Variants in BCCIP observed in about 807,000 individuals in gnomAD.
BCCIP encodes the protein BRCA2 and CDKN1A-interacting protein.
In BCCIP, 23 loss-of-function variants were observed where a neutral mutation model predicts 32.8. The ratio of observed to expected loss-of-function variants is 0.70; its 90% CI spans 0.51 to 0.99. The LOEUF (loss-of-function observed/expected upper bound fraction) is 0.99, where lower values mean the gene tolerates loss of function less well. Among genes scored for constraint, BCCIP ranks in the 50% least tolerant of loss-of-function variants. The pLI is 0.00. For synonymous variants in BCCIP, 144 were observed against 137.6 expected (o/e 1.05, Z -0.33); for missense variants, 378 against 379.8 (o/e 1.00, Z 0.04).
At chr10:125,823,823 G>A in intron 1 of BCCIP, 101 bp downstream of exon 1, 5 of 1,490,244 alleles carry the variant, frequency 3.4e-6, no homozygotes, top group Non-Finnish European at 3.6e-6. Context: ...TGACCCTGAG[G>A]GTCTGTGAGG....
At chr10:125,829,703 A>G (rs1288488289) in intron 3 of BCCIP, among the ~76,000 whole-genome samples, 2 of 152,250 alleles carry the variant, frequency 1.3e-5, no homozygotes, top group East Asian at 3.8e-4. Flanking sequence ...GCAATGGGAA[A>G]AAGCAGACCA....
chr10:125,850,492 G>C (rs1215556382), intron 7 of BCCIP, among the ~76,000 whole-genome samples: 2 of 151,808 alleles, frequency 1.3e-5, no homozygotes, highest in Non-Finnish European at 2.9e-5. Flanking sequence ...CAAGTAGCTG[G>C]GATTACAGGC....
downstream of BCCIP, among the ~76,000 whole-genome samples, chr10:125,847,596 A>G (rs773367615): frequency 1.1e-4 from 16 of 152,180 alleles, no homozygotes; most frequent in African/African-American, 4.8e-5. Context: ...TTTTCCACAG[A>G]CCAGAGGGTG....
intron 7 of BCCIP, chr10:125,852,691 G>C (rs1325620608): frequency 4.0e-6 from 6 of 1,511,512 alleles, no homozygotes; most frequent in Non-Finnish European, 5.4e-6. Flanking sequence ...TCATGATTCA[G>C]TAGGCTCACT....
chr10:125,841,363 A>C (rs1854875103), downstream of BCCIP: 1 of 1,613,996 alleles, frequency 6.2e-7, no homozygotes, highest in Admixed American at 1.7e-5. Context: ...AGAATAAATT[A>C]AAACATACAA....
chr10:125,827,689 T>C (rs1342033345), intron 3 of BCCIP, 51 bp downstream of exon 3: 7 of 1,375,094 alleles, frequency 5.1e-6, no homozygotes. Flanking sequence ...TTTATTCTGT[T>C]CATGCTGGGC....
At chr10:125,838,360 T>TA (rs780859133), downstream of BCCIP, 1 of 1,599,196 alleles carries the variant, frequency 6.3e-7, no homozygotes, top group East Asian at 2.2e-5. Flanking sequence ...ATTAAGTAGT[T>TA]ACCTGATCCA....
chr10:125,840,933 G>A (rs1456085165), downstream of BCCIP: 11 of 1,612,484 alleles, frequency 6.8e-6, no homozygotes, highest in Non-Finnish European at 8.5e-6. Flanking sequence ...ATGTAAAAAT[G>A]TCTTCCAACA....
chr10:125,836,390 G>T lies in BCCIP; in HGVS notation c.*116G>T. On this transcript the variant is annotated 3_prime_UTR_variant, in exon 7 of 7. Transcript: ENST00000278100. Reference sequence around the variant, plus strand: ...ATTAAGTTCCTCTACAAAAAGTAGGGTTCTGTCCCATGTGTCTCTGACACA... The same window carrying T: ...ATTAAGTTCCTCTACAAAAAGTAGGTTTCTGTCCCATGTGTCTCTGACACA... 6.5e-7 allele frequency: 1 copy of T among 1,538,998 alleles called. No homozygotes were observed. Among genetic ancestry groups the T allele is most frequent in the Middle Eastern group, 2.2e-4 (1 of 4,504 alleles).
chr10:125,845,917 ACACACG>A (rs1449784534), downstream of BCCIP, among the ~76,000 whole-genome samples: 5 of 152,184 alleles, frequency 3.3e-5, no homozygotes, highest in Non-Finnish European at 7.3e-5. Flanking sequence ...ATGGAAGGAA[ACACACG>A]CAGACCTTTG....
intron 5 of BCCIP, among the ~76,000 whole-genome samples, chr10:125,831,891 T>C (rs184656248): frequency 1.3e-4 from 20 of 152,328 alleles, no homozygotes; most frequent in Admixed American, 1.0e-3. Flanking sequence ...GATTGAAGTT[T>C]TTCACCTTCA....
At chr10:125,841,536 G>T, downstream of BCCIP, 1 of 1,425,724 alleles carries the variant, frequency 7.0e-7, no homozygotes, top group East Asian at 2.6e-5. Flanking sequence ...TGAACTTTGA[G>T]TTAGTTTTCT....
chr10:125,828,237 G>A (rs949573596), intron 3 of BCCIP, among the ~76,000 whole-genome samples: 5 of 152,192 alleles, frequency 3.3e-5, no homozygotes, highest in East Asian at 3.8e-4. Context: ...TCTAGCTTGA[G>A]CAAACAGGAT....
chr10:125,847,800 T>G (rs187875464), downstream of BCCIP, among the ~76,000 whole-genome samples: 1 of 152,264 alleles, frequency 6.6e-6, no homozygotes, highest in East Asian at 1.9e-4. Flanking sequence ...TCATCAGGCA[T>G]TAGATTCTCA....
chr10:125,849,298 G>T (rs1686654092), intron 7 of BCCIP, among the ~76,000 whole-genome samples: 1 of 152,184 alleles, frequency 6.6e-6, no homozygotes, highest in Admixed American at 6.5e-5. Context: ...AAGCCATATA[G>T]TTCCCAGGCC....
downstream of BCCIP, chr10:125,841,312 G>A: frequency 6.2e-7 from 1 of 1,614,174 alleles, no homozygotes; most frequent in Non-Finnish European, 8.5e-7. Context: ...ATTGGAACCA[G>A]TTCCGATACA....
exon 7 of BCCIP, chr10:125,841,831 A>G: frequency 1.9e-6 from 3 of 1,613,964 alleles, no homozygotes; most frequent in Non-Finnish European, 2.5e-6. Context: ...GTGGATCAAG[A>G]GGAAACTCTG....
intron 3 of BCCIP, 90 bp from the exon 4 acceptor site, chr10:125,830,472 A>C: frequency 1.3e-6 from 1 of 753,216 alleles, no homozygotes; most frequent in Non-Finnish European, 2.0e-6. Context: ...AAAAGTGAAA[A>C]GATAAATGAG....
Position 125,831,622 on chromosome 10 carries a change from G to A in BCCIP, c.599+15G>A. ...CAGCAGCTTCAGTAAGAGATTCTGGGAAAATATCTTTGAACAGTAATTTTT... is the reference window on the plus strand; with the variant it reads ...CAGCAGCTTCAGTAAGAGATTCTGGAAAAATATCTTTGAACAGTAATTTTT... On this transcript the variant is annotated intron_variant, in intron 5 of 6. Transcript: ENST00000278100. 6.3e-7 allele frequency: 1 copy of A among 1,590,956 alleles called. No homozygotes were observed.
Sources: gnomAD v4.1 joint callset for allele counts (sites outside exome capture counted in the v4.1 genomes callset) on GRCh38, gnomAD v4.1.1 for gene constraint, MANE v1.5 for transcripts, NCBI Gene and HGNC (gene_info 2026-07-23, HGNC 2026-07-21) for gene names.